Variants in CHAT observed in about 807,000 individuals in gnomAD.
CHAT encodes choline O-acetyltransferase.
Under a neutral mutation model 76.9 loss-of-function variants are expected in CHAT, and 61 were observed. That is an observed-to-expected ratio of 0.79 (90% confidence interval 0.65 to 0.98). CHAT has a LOEUF of 0.98. CHAT is among the 50% of genes least tolerant of loss of function. CHAT has a pLI of 0.00. For synonymous variants in CHAT, 407 were observed against 397.4 expected (o/e 1.02, Z -0.29); for missense variants, 946 against 986.9 (o/e 0.96, Z 0.56).
chr10:49,628,244 C>T (rs1838995570), intron 7 of CHAT, among the ~76,000 whole-genome samples: 1 of 152,242 alleles, frequency 6.6e-6, no homozygotes, highest in Non-Finnish European at 1.5e-5. Flanking sequence ...TGTCCCTTAT[C>T]TTGTGGCACT....
chr10:49,644,740 G>A (rs982372464), intron 7 of CHAT, among the ~76,000 whole-genome samples: 1 of 152,226 alleles, frequency 6.6e-6, no homozygotes, highest in African/African-American at 2.4e-5. Flanking sequence ...CATGGGGACT[G>A]GAGACTCCTT....
At chr10:49,630,523 G>A (rs755923192) in intron 7 of CHAT, among the ~76,000 whole-genome samples, 3 of 152,172 alleles carry the variant, frequency 2.0e-5, no homozygotes, top group Non-Finnish European at 2.9e-5. Context: ...AGAAATTGTC[G>A]ATGAGGCAGT....
chr10:49,610,356 C>T (rs960883395), upstream of CHAT: 12 of 202,578 alleles, frequency 5.9e-5, no homozygotes, highest in East Asian at 1.2e-3. Flanking sequence ...GGCTAACGGG[C>T]GGGCAAGCGG....
chr10:49,622,245 C>A, intron 5 of CHAT, 95 bp downstream of exon 5: 1 of 1,309,408 alleles, frequency 7.6e-7, no homozygotes, highest in African/African-American at 1.4e-5. Flanking sequence ...TCTGTATTCC[C>A]ATTCCTGGCT....
At chr10:49,624,349 G>A (rs1838838479) in intron 5 of CHAT, among the ~76,000 whole-genome samples, 1 of 152,186 alleles carries the variant, frequency 6.6e-6, no homozygotes, top group Admixed American at 6.5e-5. Flanking sequence ...AAACATTTCT[G>A]GGTTCAGGCA....
At chr10:49,612,424 G>A (rs1590546773), upstream of CHAT, 4 of 1,357,588 alleles carry the variant, frequency 2.9e-6, no homozygotes, top group East Asian at 9.3e-5. Flanking sequence ...CTGGCTCAGG[G>A]CCCACCTCCT....
intron 6 of CHAT, among the ~76,000 whole-genome samples, chr10:49,626,213 C>A (rs1215267096): frequency 1.3e-5 from 2 of 152,154 alleles, no homozygotes; most frequent in African/African-American, 4.8e-5. Flanking sequence ...TCATGCTCTA[C>A]CCCCTGCAGC....
chr10:49,657,068 G>A (rs551789811), intron 13 of CHAT, among the ~76,000 whole-genome samples: 15 of 152,326 alleles, frequency 9.8e-5, no homozygotes, highest in Non-Finnish European at 1.3e-4. Context: ...AACACATGGC[G>A]ACTGACTCAG....
chr10:49,627,759 C>T lies in CHAT; in HGVS notation c.1085C>T (p.Ala362Val). The change falls in exon 7 of 15, where the codon GCC becomes GTC. Residue 362 changes from alanine (A) to valine (V), a missense_variant. By Grantham distance (64) the Ala-to-Val change is moderately conservative. Around this residue, in one of 3 missense-constraint regions of CHAT, gnomAD observed 548 missense variants for 516.2 expected, o/e 1.06. Coordinates refer to ENST00000337653, the MANE Select transcript of CHAT (RefSeq NM_020549.5). ...ACGTCTGACGGGAGGAGCGAGTGGG[C>T]CGAGGCCAGGACGGTCCTCGTGAAA... ...LLTSDGRSEWAEARTVLVKDS... is the reference protein window; with the variant it reads ...LLTSDGRSEWVEARTVLVKDS... 2 of 1,613,916 alleles carry T rather than the reference C, an allele frequency of 1.2e-6. No individual in the cohort carries two copies. Among genetic ancestry groups the T allele is most frequent in the Non-Finnish European group, 1.7e-6 (2 of 1,179,878 alleles).
chr10:49,616,359 G>A (rs748132179), intron 1 of CHAT, 143 bp from the exon 2 acceptor site: 3 of 740,416 alleles, frequency 4.1e-6, no homozygotes, highest in South Asian at 1.5e-5. Context: ...CTGGGGCCAC[G>A]CCTGCAATGA....
chr10:49,655,588 C>T (rs972045096), intron 13 of CHAT, 140 bp downstream of exon 13: 28 of 748,338 alleles, frequency 3.7e-5, no homozygotes, highest in Non-Finnish European at 6.5e-5. Context: ...CTTCACCACT[C>T]GGTCTCTTGT....
upstream of CHAT, chr10:49,612,364 C>T (rs759012127): frequency 3.2e-6 from 5 of 1,559,328 alleles, no homozygotes; most frequent in East Asian, 1.1e-4. Flanking sequence ...CTCCAGCCCA[C>T]CCAACCGCCT....
chr10:49,611,208 G>T, upstream of CHAT: 2 of 1,614,078 alleles, frequency 1.2e-6, no homozygotes, highest in Non-Finnish European at 1.7e-6. Flanking sequence ...TGCCGCTGCT[G>T]ATCGGCCTGG....
chr10:49,624,468 C>T (rs922495376), intron 5 of CHAT, among the ~76,000 whole-genome samples: 1 of 152,224 alleles, frequency 6.6e-6, no homozygotes, highest in Non-Finnish European at 1.5e-5. Context: ...CAACCTGCCT[C>T]AGTGAGACTG....
intron 1 of CHAT, chr10:49,615,983 A>G: frequency 6.4e-7 from 1 of 1,565,704 alleles, no homozygotes; most frequent in Non-Finnish European, 8.8e-7. Context: ...AAAGGCCTCC[A>G]TTCACCCACG....
intron 7 of CHAT, among the ~76,000 whole-genome samples, chr10:49,635,097 C>T (rs1198616454): frequency 6.6e-6 from 1 of 152,224 alleles, no homozygotes; most frequent in Non-Finnish European, 1.5e-5. Context: ...ACCTCACCCC[C>T]TTCTTAACTC....
chr10:49,621,043 C>T (rs949390037), intron 4 of CHAT, among the ~76,000 whole-genome samples: 4 of 152,226 alleles, frequency 2.6e-5, no homozygotes, highest in African/African-American at 9.6e-5. Flanking sequence ...GAAACAATTC[C>T]TCCCTGCCAG....
chr10:49,618,097 C>T (rs1838565446), intron 2 of CHAT, among the ~76,000 whole-genome samples: 1 of 152,196 alleles, frequency 6.6e-6, no homozygotes, highest in Non-Finnish European at 1.5e-5. Flanking sequence ...CACTGTCTAC[C>T]AGTGTGTCCC....
At chr10:49,637,040 CTT>C (rs534812454) in intron 7 of CHAT, among the ~76,000 whole-genome samples, 4 of 144,150 alleles carry the variant, frequency 2.8e-5, no homozygotes, top group Non-Finnish European at 3.1e-5. Flanking sequence ...TTCTCCCTCT[CTT>C]TTTTTTTTTG....
Sources: allele counts gnomAD v4.1 joint callset (sites outside exome capture counted in the v4.1 genomes callset), GRCh38; gene constraint gnomAD v4.1.1; regional missense constraint gnomAD v4.1.1; transcripts MANE v1.5; gene names NCBI Gene and HGNC (gene_info 2026-07-23, HGNC 2026-07-21).